Variants in AK5 observed in about 807,000 individuals in gnomAD.
AK5 encodes adenylate kinase 5, also known as adenylate kinase isoenzyme 5.
A neutral mutation model predicts 69.5 loss-of-function variants in AK5; 27 were observed. The observed-to-expected ratio is 0.39, with a 90% CI of 0.29 to 0.54. AK5 has a LOEUF of 0.54. Ranked by LOEUF, AK5 falls within the 20% of genes least tolerant of loss-of-function variation. AK5 has a pLI of 0.71. For synonymous variants in AK5, 260 were observed against 244.4 expected, an observed-to-expected ratio of 1.06 and a Z score of -0.60; for missense variants, 531 against 700.4, an observed-to-expected ratio of 0.76 and a Z score of 2.73.
chr1:77,490,710 G>A (rs1302164400), intron 10 of AK5, among the ~76,000 whole-genome samples: 1 of 151,454 alleles, frequency 6.6e-6, no homozygotes, highest in Non-Finnish European at 1.5e-5. Flanking sequence ...CCTTTAAAGG[G>A]CCTCATTATG....
rs1553138663 is a variant in AK5, at chr1:77,361,558, G to GTATCATGAGCCCTGTGTA, written c.891+20992_891+21009dup. ...TTGGGCAACTTATACAAAGTTGTGT[G>GTATCATGAGCCCTGTGTA]TATCATGAGCCCTGTGTATTAGTCC... On this transcript the variant is annotated intron_variant, in intron 6 of 13. Coordinates refer to ENST00000354567, the MANE Select transcript of AK5 (RefSeq NM_174858.3). Among the ~76,000 whole-genome samples, 3 of 152,310 alleles carry GTATCATGAGCCCTGTGTA rather than the reference G, an allele frequency of 2.0e-5. No homozygotes were observed. The East Asian group carries it at 5.8e-4, about 29-fold the overall frequency.
At chr1:77,324,785 G>C (rs755306655) in intron 5 of AK5, among the ~76,000 whole-genome samples, 11 of 151,998 alleles carry the variant, frequency 7.2e-5, no homozygotes, top group Non-Finnish European at 1.2e-4. Flanking sequence ...GTTGAACAGA[G>C]ACTGTTCCTG....
intron 6 of AK5, among the ~76,000 whole-genome samples, chr1:77,378,641 C>T (rs1012239398): frequency 4.6e-5 from 7 of 152,086 alleles, no homozygotes; most frequent in African/African-American, 1.7e-4. Flanking sequence ...TATTTGAAGG[C>T]AGACTCTGAT....
intron 8 of AK5, among the ~76,000 whole-genome samples, chr1:77,451,502 C>A (rs1198937350): frequency 6.6e-6 from 1 of 152,146 alleles, no homozygotes; most frequent in Non-Finnish European, 1.5e-5. Flanking sequence ...GCTGCCCTGG[C>A]ACATCATGGC....
At chr1:77,301,981 T>G (rs1659366821) in intron 5 of AK5, among the ~76,000 whole-genome samples, 1 of 151,198 alleles carries the variant, frequency 6.6e-6, no homozygotes, top group Non-Finnish European at 1.5e-5. Flanking sequence ...AGTGACAAGA[T>G]CCTTCTCTGT....
chr1:77,297,259 A>C (rs145638983), intron 3 of AK5, among the ~76,000 whole-genome samples: 4 of 152,312 alleles, frequency 2.6e-5, no homozygotes, highest in African/African-American at 9.6e-5. Flanking sequence ...TTACATAGAA[A>C]AAAGTCAAGA....
intron 6 of AK5, among the ~76,000 whole-genome samples, chr1:77,405,037 T>TA (rs1365174689): frequency 6.6e-6 from 1 of 152,250 alleles, no homozygotes; most frequent in South Asian, 2.1e-4. Context: ...CCCCAAGTTT[T>TA]AAAAAAATGT....
At chr1:77,519,969 C>T (rs954806462) in intron 11 of AK5, among the ~76,000 whole-genome samples, 5 of 152,028 alleles carry the variant, frequency 3.3e-5, no homozygotes, top group African/African-American at 1.2e-4. Context: ...TTTGGGAGGC[C>T]GAGGCAGGTG....
chr1:77,367,767 T>G (rs538174431), intron 6 of AK5, among the ~76,000 whole-genome samples: 4 of 17,554 alleles, frequency 2.3e-4, no homozygotes, highest in African/African-American at 6.9e-4. Flanking sequence ...ATATATAATA[T>G]ATGTTATATA....
chr1:77,368,241 A>ATATATATATATATATATGT (rs71075737), intron 6 of AK5, among the ~76,000 whole-genome samples: 5 of 23,280 alleles, frequency 2.1e-4, no homozygotes, highest in African/African-American at 4.6e-4. Flanking sequence ...ATATATATAT[A>ATATATATATATATATATGT]TATATATATA....
rs1459753165 is a variant in AK5 at position 77,427,480 on chromosome 1, T to C, written c.1059+9765T>C. On this transcript the variant is annotated intron_variant, in intron 8 of 13. Coordinates refer to ENST00000354567, the MANE Select transcript of AK5 (RefSeq NM_174858.3). The stretch of plus-strand genomic sequence containing the variant: ...GAATAGGTATATATTATTAAATAAA[T>C]TGAATCAATAACTAATAATCTCCCA... 3.3e-5 allele frequency among the ~76,000 whole-genome samples: 5 copies of C among 152,222 alleles called. No individual in the cohort carries two copies. The East Asian group carries it at 5.8e-4, about 18-fold the overall frequency.
intron 6 of AK5, among the ~76,000 whole-genome samples, chr1:77,395,849 G>A (rs753736005): frequency 5.9e-5 from 9 of 152,172 alleles, no homozygotes; most frequent in East Asian, 1.9e-4. Context: ...ATTTCTTCTC[G>A]GATAATCCCA....
chr1:77,407,356 A>G lies in AK5; in HGVS notation c.892-3625A>G, dbSNP rs987171932. Among the ~76,000 whole-genome samples the G allele has an allele frequency of 4.6e-5, 7 of 152,210 alleles. No individual in the cohort carries two copies. In the East Asian group the frequency reaches 1.2e-3, roughly 25 times the overall value. Reference sequence around the variant, plus strand: ...ATGAACTAAGGATATAACAACATTGATGAATCTCAGAATAATAGTACTGAG... The same window carrying G: ...ATGAACTAAGGATATAACAACATTGGTGAATCTCAGAATAATAGTACTGAG... On this transcript the variant is annotated intron_variant, in intron 6 of 13. Coordinates refer to ENST00000354567, the MANE Select transcript of AK5 (RefSeq NM_174858.3).
chr1:77,400,336 T>C (rs1479323603), intron 6 of AK5, among the ~76,000 whole-genome samples: 2 of 152,214 alleles, frequency 1.3e-5, no homozygotes, highest in Non-Finnish European at 2.9e-5. Flanking sequence ...TTTAATCTCT[T>C]TGAGGCTCAG....
chr1:77,329,938 A>C (rs1243109692), intron 5 of AK5, among the ~76,000 whole-genome samples: 1 of 152,240 alleles, frequency 6.6e-6, no homozygotes, highest in African/African-American at 2.4e-5. Context: ...GAATTAAGTC[A>C]GGCAGATCTC....
intron 6 of AK5, among the ~76,000 whole-genome samples, chr1:77,360,104 G>A (rs1646837205): frequency 6.6e-6 from 1 of 152,154 alleles, no homozygotes; most frequent in South Asian, 2.1e-4. Flanking sequence ...AAAGCACTAG[G>A]TTGTTTTCCC....
intron 10 of AK5, among the ~76,000 whole-genome samples, chr1:77,495,218 T>C (rs1398005715): frequency 6.6e-6 from 1 of 152,150 alleles, no homozygotes; most frequent in Non-Finnish European, 1.5e-5. Context: ...AGTTAATAAG[T>C]GACAGAATTG....
At chr1:77,444,195 G>GTATATATA (rs34198954) in intron 8 of AK5, among the ~76,000 whole-genome samples, 5 of 108,208 alleles carry the variant, frequency 4.6e-5, no homozygotes, top group African/African-American at 1.8e-4. Context: ...CAGATAAGTG[G>GTATATATA]TATATATATA....
chr1:77,320,578 A>C (rs1660477872), intron 5 of AK5, among the ~76,000 whole-genome samples: 1 of 151,982 alleles, frequency 6.6e-6, no homozygotes, highest in South Asian at 2.1e-4. Context: ...GTGAAACCCC[A>C]TCTCTACTAA....
Sources: allele counts gnomAD v4.1 joint callset (sites outside exome capture counted in the v4.1 genomes callset), GRCh38; gene constraint gnomAD v4.1.1; transcripts MANE v1.5; gene names NCBI Gene and HGNC (gene_info 2026-07-23, HGNC 2026-07-21).